SLC24A2: variants seen among roughly 807,000 people sequenced by gnomAD.
SLC24A2 encodes the protein sodium/potassium/calcium exchanger 2.
Under a neutral mutation model 62.0 loss-of-function variants are expected in SLC24A2, and 36 were observed. The observed-to-expected ratio is 0.58, with a 90% confidence interval of 0.44 to 0.77. The LOEUF is 0.77. Ranked by LOEUF, SLC24A2 falls within the 30% of genes least tolerant of loss-of-function variation. The pLI is 0.00. For synonymous variants in SLC24A2, 358 were observed against 294.0 expected, an observed-to-expected ratio of 1.22 and a Z score of -2.23; for missense variants, 846 against 817.9, an observed-to-expected ratio of 1.03 and a Z score of -0.42.
intron 2 of SLC24A2, among the ~76,000 whole-genome samples, chr9:19,717,660 C>T (rs567441884): frequency 6.6e-6 from 1 of 152,212 alleles, no homozygotes; most frequent in South Asian, 2.1e-4. Flanking sequence ...ACATAGCATC[C>T]TGTTCACTTG....
the SLC24A2 span, among the ~76,000 whole-genome samples, chr9:20,007,968 T>G: frequency 4.4e-5 from 6 of 137,700 alleles, 2 homozygotes; most frequent in African/African-American, 1.6e-4. Context: ...TGATCTCGGT[T>G]CACTGCAATA....
intron 2 of SLC24A2, 100 bp from the exon 3 acceptor site, chr9:19,622,399 A>G (rs1402743624): frequency 1.6e-6 from 2 of 1,215,086 alleles, no homozygotes; most frequent in Non-Finnish European, 2.4e-6. Context: ...GTATAGGGGA[A>G]GATTTCATTC....
chr9:20,068,057 CTTTTTT>C, the SLC24A2 span, among the ~76,000 whole-genome samples: 2 of 89,742 alleles, frequency 2.2e-5, no homozygotes, highest in Non-Finnish European at 2.1e-5. Context: ...TTTTTTGACT[CTTTTTT>C]TTTTTTTTTT....
At chr9:19,849,832 A>G in the SLC24A2 span, among the ~76,000 whole-genome samples, 22 of 152,218 alleles carry the variant, frequency 1.4e-4, no homozygotes, top group Non-Finnish European at 2.4e-4. Flanking sequence ...TTTATCAACA[A>G]TCAAGGATAT....
the SLC24A2 span, among the ~76,000 whole-genome samples, chr9:20,296,857 A>C: frequency 6.6e-6 from 1 of 152,338 alleles, no homozygotes; most frequent in Non-Finnish European, 1.5e-5. Context: ...GACTGTTGTT[A>C]GTACACCTGA....
chr9:20,176,067 C>T, the SLC24A2 span, among the ~76,000 whole-genome samples: 2 of 152,020 alleles, frequency 1.3e-5, no homozygotes, highest in African/African-American at 2.4e-5. Flanking sequence ...CTCATGCTTC[C>T]ATGAAACCGT....
chr9:19,617,246 A>C (rs941021528), intron 4 of SLC24A2, among the ~76,000 whole-genome samples: 15 of 152,166 alleles, frequency 9.9e-5, no homozygotes, highest in African/African-American at 3.1e-4. Context: ...TGAGAATCTA[A>C]TGCAAATGCT....
At chr9:19,675,292 G>A (rs538889380) in intron 2 of SLC24A2, among the ~76,000 whole-genome samples, 16 of 152,316 alleles carry the variant, frequency 1.1e-4, no homozygotes, top group African/African-American at 3.1e-4. Flanking sequence ...AGGGTCCTTA[G>A]TTGTAGTTTT....
chr9:19,715,320 A>C (rs56050875), intron 2 of SLC24A2, among the ~76,000 whole-genome samples: 3,470 of 152,292 alleles, frequency 0.023, 130 homozygotes, highest in African/African-American at 0.077. Flanking sequence ...TGACAGGCAG[A>C]AAGATGATCA....
the SLC24A2 span, among the ~76,000 whole-genome samples, chr9:19,910,803 T>C: frequency 6.6e-6 from 1 of 152,152 alleles, no homozygotes; most frequent in Non-Finnish European, 1.5e-5. Flanking sequence ...GGAAGAATTG[T>C]TGTTCTTCCT....
the SLC24A2 span, among the ~76,000 whole-genome samples, chr9:20,081,651 G>A: frequency 6.6e-6 from 1 of 151,894 alleles, no homozygotes; most frequent in African/African-American, 2.4e-5. Flanking sequence ...TAAAAGAAAT[G>A]GAACCTGTAG....
chr9:19,653,761 G>A (rs1472438784), intron 2 of SLC24A2, among the ~76,000 whole-genome samples: 2 of 152,100 alleles, frequency 1.3e-5, no homozygotes, highest in Non-Finnish European at 2.9e-5. Context: ...GTATGTTTGT[G>A]GAATAAACAT....
the SLC24A2 span, among the ~76,000 whole-genome samples, chr9:20,215,159 T>C: frequency 2.0e-5 from 3 of 152,228 alleles, no homozygotes; most frequent in Non-Finnish European, 2.9e-5. Context: ...TGGTGCCTTC[T>C]CACTGTGTCC....
intron 7 of SLC24A2, among the ~76,000 whole-genome samples, chr9:19,572,431 T>C (rs971276151): frequency 6.6e-6 from 1 of 152,048 alleles, no homozygotes; most frequent in Non-Finnish European, 1.5e-5. Flanking sequence ...GGTGATTGAA[T>C]CTGGGGGGCA....
intron 2 of SLC24A2, among the ~76,000 whole-genome samples, chr9:19,736,561 A>G (rs147188826): frequency 2.6e-3 from 391 of 152,268 alleles, no homozygotes; most frequent in African/African-American, 8.9e-3. Context: ...AGACCAGGCC[A>G]GGCATGATGC....
chr9:19,633,100 A>C (rs1007773511), intron 2 of SLC24A2, among the ~76,000 whole-genome samples: 2 of 152,174 alleles, frequency 1.3e-5, no homozygotes, highest in African/African-American at 4.8e-5. Flanking sequence ...ATTTGGGATA[A>C]TTTCCTTAGG....
intron 8 of SLC24A2, among the ~76,000 whole-genome samples, chr9:19,528,678 G>C (rs1390764217): frequency 6.6e-6 from 1 of 152,106 alleles, no homozygotes; most frequent in Non-Finnish European, 1.5e-5. Flanking sequence ...TATCAAGAAA[G>C]TCACACAGAA....
chr9:20,112,739 G>C, the SLC24A2 span, among the ~76,000 whole-genome samples: 2 of 152,122 alleles, frequency 1.3e-5, no homozygotes, highest in African/African-American at 4.8e-5. Context: ...CTGGGGACCC[G>C]AGAGGTGGCT....
intron 7 of SLC24A2, 90 bp from the exon 8 acceptor site, chr9:19,550,358 C>G (rs1422638987): frequency 1.8e-5 from 24 of 1,366,746 alleles, no homozygotes; most frequent in Non-Finnish European, 2.4e-5. Context: ...AGGGGAAGCT[C>G]CATGTCTTAT....
Sources: allele counts gnomAD v4.1 joint callset (sites outside exome capture counted in the v4.1 genomes callset), GRCh38; gene constraint gnomAD v4.1.1; transcripts MANE v1.5; gene names NCBI Gene and HGNC (gene_info 2026-07-23, HGNC 2026-07-21).